GRIK5: variants seen among roughly 807,000 people sequenced by gnomAD.
The protein encoded by GRIK5 is glutamate ionotropic receptor kainate type subunit 5.
In GRIK5, 43 loss-of-function variants were observed where a neutral mutation model predicts 97.4. That is an observed-to-expected ratio of 0.44 (90% CI 0.35 to 0.57). GRIK5 has a LOEUF of 0.57. Ranked by LOEUF, GRIK5 falls within the 20% of genes least tolerant of loss-of-function variation. The probability of loss-of-function intolerance (pLI) is 0.01; values close to 1 mark genes in which losing one functional copy is unlikely to be tolerated. For synonymous variants in GRIK5, 580 were observed against 583.5 expected (o/e 0.99, Z 0.09); for missense variants, 1,015 against 1,382.0 (o/e 0.73, Z 4.21).
At chr19:42,036,630 A>G (rs2075909104) in intron 12 of GRIK5, among the ~76,000 whole-genome samples, 1 of 152,248 alleles carries the variant, frequency 6.6e-6, no homozygotes, top group Admixed American at 6.5e-5. Context: ...TACTGGGATT[A>G]CAGGCGTAAG....
chr19:42,018,330 AAAAAGAAAAG>A (rs887900778), intron 15 of GRIK5, among the ~76,000 whole-genome samples: 1 of 148,966 alleles, frequency 6.7e-6, no homozygotes, highest in Non-Finnish European at 1.5e-5. Flanking sequence ...TCTCAAAAAA[AAAAAGAAAAG>A]AAAAGAAAAG....
At chr19:42,063,701 C>T (rs1219147135) in intron 3 of GRIK5, among the ~76,000 whole-genome samples, 1 of 152,158 alleles carries the variant, frequency 6.6e-6, no homozygotes, top group East Asian at 1.9e-4. Flanking sequence ...CAGAGGAAAG[C>T]AGGCCTCAGA....
intron 5 of GRIK5, 119 bp from the exon 6 acceptor site, chr19:42,059,646 T>C (rs2076233824): frequency 2.8e-5 from 22 of 793,046 alleles, no homozygotes; most frequent in Non-Finnish European, 3.5e-5. Context: ...TGCAAGGACA[T>C]GGGGCAGCTG....
chr19:42,034,151 G>A (rs769181913), intron 12 of GRIK5, among the ~76,000 whole-genome samples: 3 of 151,948 alleles, frequency 2.0e-5, no homozygotes, highest in Non-Finnish European at 4.4e-5. Flanking sequence ...TGCTTGAGCC[G>A]AGGAGTTCAA....
intron 12 of GRIK5, among the ~76,000 whole-genome samples, chr19:42,037,337 T>C (rs1397992665): frequency 3.9e-5 from 6 of 152,150 alleles, no homozygotes; most frequent in Admixed American, 3.3e-4. Context: ...TGCATTCCTA[T>C]AATCCCAGCT....
intron 8 of GRIK5, among the ~76,000 whole-genome samples, chr19:42,055,571 A>G (rs187816243): frequency 6.8e-4 from 103 of 152,334 alleles, no homozygotes; most frequent in African/African-American, 2.4e-3. Context: ...CCTCAAATCC[A>G]TATCTCTATG....
At chr19:42,051,891 C>A (rs2076121649) in intron 11 of GRIK5, among the ~76,000 whole-genome samples, 1 of 152,164 alleles carries the variant, frequency 6.6e-6, no homozygotes, top group Non-Finnish European at 1.5e-5. Flanking sequence ...TCCTATGCAA[C>A]CCCATCTAAT....
At position 41,999,514 on chromosome 19, in the gene GRIK5, C is replaced by T. The variant is rs782075211; in HGVS notation, c.2515-215G>A. On this transcript the variant is annotated intron_variant, in intron 19 of 19. Coordinates refer to ENST00000593562, the MANE Select transcript of GRIK5 (RefSeq NM_002088.5). This position sits in a 1 kb window ranked among gnomAD's most constrained non-coding sequence, Gnocchi z 5.0. Reference sequence around the variant, plus strand: ...ACTTATCTTCAATGTCTCCATTCTACTCTGCGTTTGTTCCTGAATCTGCCC... The same window carrying T: ...ACTTATCTTCAATGTCTCCATTCTATTCTGCGTTTGTTCCTGAATCTGCCC... Among the ~76,000 whole-genome samples, 53 of 152,338 alleles carry T rather than the reference C, an allele frequency of 3.5e-4. No individual in the cohort carries two copies. The highest frequency in any genetic ancestry group is 5.7e-4 in the Non-Finnish European group (39 of 68,026).
intron 12 of GRIK5, among the ~76,000 whole-genome samples, chr19:42,037,139 G>A (rs2075915862): frequency 6.6e-6 from 1 of 152,228 alleles, no homozygotes; most frequent in South Asian, 2.1e-4. Flanking sequence ...GCCAGGCTCT[G>A]TGCAAATGCG....
rs528885786 is a variant in GRIK5 at position 42,034,705 on chromosome 19, C to T, written c.1473+7847G>A. 3.3e-5 allele frequency among the ~76,000 whole-genome samples: 5 copies of T among 152,254 alleles called. No individual in the cohort carries two copies. In the South Asian group the frequency reaches 6.2e-4, roughly 19 times the overall value. ...CTTCTCAGGACTGTATTCCCCACCC[C>T]TTTTAGGTCTCTTCTCAAACGTTAT... On this transcript the variant is annotated intron_variant, in intron 12 of 19. Transcript: ENST00000593562.
At chr19:42,001,781 C>G (rs1202770210) in intron 19 of GRIK5, 2 of 254,210 alleles carry the variant, frequency 7.9e-6, no homozygotes, top group African/African-American at 2.3e-5. Context: ...CCAATGGAAG[C>G]TGGCTTTTTA....
chr19:42,039,096 G>A (rs948126018), intron 12 of GRIK5, among the ~76,000 whole-genome samples: 6 of 152,082 alleles, frequency 3.9e-5, no homozygotes, highest in Non-Finnish European at 8.8e-5. Flanking sequence ...AGGCCCACCA[G>A]CTCATTCCTT....
chr19:42,044,816 G>A (rs1372103244), intron 11 of GRIK5, among the ~76,000 whole-genome samples: 5 of 152,284 alleles, frequency 3.3e-5, no homozygotes, highest in South Asian at 2.1e-4. Context: ...CAGGCGTGCT[G>A]GTGTGCACCT....
At chr19:42,068,813 T>C (rs1184390563) in intron 1 of GRIK5, 1 of 617,194 alleles carries the variant, frequency 1.6e-6, no homozygotes, top group South Asian at 1.8e-5. Flanking sequence ...CGGAAAGACA[T>C]ATCCAGGAGA....
intron 12 of GRIK5, among the ~76,000 whole-genome samples, chr19:42,030,059 A>T (rs1008267792): frequency 2.0e-5 from 3 of 152,248 alleles, no homozygotes; most frequent in Admixed American, 6.5e-5. Flanking sequence ...TTTTCTTTTT[A>T]CCCCTTAAGT....
At chr19:42,027,397 T>C (rs943565214) in intron 12 of GRIK5, among the ~76,000 whole-genome samples, 5 of 151,844 alleles carry the variant, frequency 3.3e-5, no homozygotes, top group African/African-American at 1.2e-4. Flanking sequence ...GTCCCTAAGG[T>C]GGGAAGAGAC....
intron 15 of GRIK5, among the ~76,000 whole-genome samples, chr19:42,010,637 T>G (rs1269008982): frequency 6.6e-6 from 1 of 152,182 alleles, no homozygotes; most frequent in African/African-American, 2.4e-5. Context: ...GAGAATTAAT[T>G]GCCAGCAGAC....
intron 19 of GRIK5, among the ~76,000 whole-genome samples, chr19:42,001,170 A>T (rs1262016208): frequency 6.6e-6 from 1 of 152,126 alleles, no homozygotes; most frequent in African/African-American, 2.4e-5. Flanking sequence ...CATTATCCAA[A>T]CTGGTGAATC....
chr19:42,028,654 T>A (rs778403762), intron 12 of GRIK5, among the ~76,000 whole-genome samples: 1 of 152,258 alleles, frequency 6.6e-6, no homozygotes, highest in African/African-American at 2.4e-5. Flanking sequence ...CACAGAGCCC[T>A]TCCTCTAAGT....
Sources: gnomAD v4.1 joint callset for allele counts (sites outside exome capture counted in the v4.1 genomes callset) on GRCh38, gnomAD v4.1.1 for gene constraint, Gnocchi (gnomAD v3.1) non-coding constraint, MANE v1.5 for transcripts, NCBI Gene and HGNC (gene_info 2026-07-23, HGNC 2026-07-21) for gene names.